The following CCSER1 variants were observed in gnomAD, a reference collection of about 807,000 sequenced individuals.
The protein encoded by CCSER1 is coiled-coil serine rich protein 1.
In CCSER1, 41 loss-of-function variants were observed where a neutral mutation model predicts 82.0. That is an observed-to-expected ratio of 0.50 (90% CI 0.39 to 0.65). CCSER1 has a LOEUF of 0.65. Among genes scored for constraint, CCSER1 ranks in the 30% least tolerant of loss-of-function variants. The probability of loss-of-function intolerance (pLI) is 0.00; values close to 1 mark genes in which losing one functional copy is unlikely to be tolerated. For missense variants in CCSER1, 1,119 were observed against 1,064.2 expected (o/e 1.05, Z -0.72); for synonymous variants, 414 against 383.9 (o/e 1.08, Z -0.92).
At chr4:91,402,384 A>G (rs571040776) in intron 10 of CCSER1, among the ~76,000 whole-genome samples, 3 of 152,038 alleles carry the variant, frequency 2.0e-5, no homozygotes, top group African/African-American at 7.2e-5. Flanking sequence ...GCTGTGCAGA[A>G]GCTCTTTAGT....
intron 10 of CCSER1, among the ~76,000 whole-genome samples, chr4:91,456,951 A>G (rs1560686373): frequency 6.6e-6 from 1 of 152,114 alleles, no homozygotes; most frequent in Non-Finnish European, 1.5e-5. Flanking sequence ...TTCGTGTCAT[A>G]TACCTGTATC....
intron 10 of CCSER1, among the ~76,000 whole-genome samples, chr4:91,554,530 T>A: frequency 6.6e-6 from 1 of 151,268 alleles, no homozygotes; most frequent in Middle Eastern, 3.4e-3. Context: ...CTGAAAAACA[T>A]TGATAAACAA....
At chr4:90,552,254 A>G (rs142046468) in intron 5 of CCSER1, among the ~76,000 whole-genome samples, 88 of 152,308 alleles carry the variant, frequency 5.8e-4, no homozygotes, top group African/African-American at 2.1e-3. Flanking sequence ...GTGGAGGTAC[A>G]TGTTAGTTGA....
At chr4:91,501,727 G>A (rs1759222463) in intron 10 of CCSER1, among the ~76,000 whole-genome samples, 1 of 151,626 alleles carries the variant, frequency 6.6e-6, no homozygotes, top group Admixed American at 6.6e-5. Flanking sequence ...CATCATTTGT[G>A]TTAGATAACA....
intron 8 of CCSER1, among the ~76,000 whole-genome samples, chr4:90,850,870 G>A (rs115767077): frequency 0.016 from 2,508 of 152,196 alleles, 46 homozygotes; most frequent in African/African-American, 0.05. Flanking sequence ...GTAGGGGCTG[G>A]GACAGAATGA....
At chr4:90,145,205 A>G (rs1028709875) in intron 1 of CCSER1, among the ~76,000 whole-genome samples, 1 of 152,156 alleles carries the variant, frequency 6.6e-6, no homozygotes, top group East Asian at 1.9e-4. Context: ...TAGATTTTAA[A>G]TAAAAATCTC....
chr4:90,444,028 T>C (rs1055856760), intron 4 of CCSER1, among the ~76,000 whole-genome samples: 1 of 151,930 alleles, frequency 6.6e-6, no homozygotes, highest in Non-Finnish European at 1.5e-5. Flanking sequence ...TGAATTTGTG[T>C]TTTGGGACAA....
intron 1 of CCSER1, among the ~76,000 whole-genome samples, chr4:90,215,444 C>G (rs182304033): frequency 1.3e-5 from 2 of 152,134 alleles, no homozygotes; most frequent in Non-Finnish European, 2.9e-5. Context: ...CAGTTACTTT[C>G]GACCTTTAGT....
Position 91,516,371 on chromosome 4 carries a change from A to G in CCSER1, c.2218-82201A>G, listed in dbSNP as rs551131925. On this transcript the variant is annotated intron_variant, in intron 10 of 10. Coordinates refer to ENST00000509176, the MANE Select transcript of CCSER1 (RefSeq NM_001145065.2). Reference sequence around the variant, plus strand: ...ACATTCAAGTTCTTAATTCATCTTGAGTTGATTTTTGTATACGGTTCAAGG... The same window carrying G: ...ACATTCAAGTTCTTAATTCATCTTGGGTTGATTTTTGTATACGGTTCAAGG... 2.0e-5 allele frequency among the ~76,000 whole-genome samples: 3 copies of G among 152,136 alleles called. No individual in the cohort carries two copies. In the South Asian group the frequency reaches 6.2e-4, roughly 32 times the overall value.
At chr4:90,575,495 G>C (rs1168123526) in intron 5 of CCSER1, among the ~76,000 whole-genome samples, 1 of 152,120 alleles carries the variant, frequency 6.6e-6, no homozygotes, top group African/African-American at 2.4e-5. Context: ...TTGCATTGGG[G>C]ATTAAATTTC....
intron 3 of CCSER1, among the ~76,000 whole-genome samples, chr4:90,327,613 A>C (rs989589112): frequency 6.6e-6 from 1 of 152,150 alleles, no homozygotes; most frequent in Non-Finnish European, 1.5e-5. Flanking sequence ...CCTCGATTTC[A>C]TGTACTTTAG....
chr4:90,969,656 A>G (rs1734901073), intron 9 of CCSER1, among the ~76,000 whole-genome samples: 1 of 152,002 alleles, frequency 6.6e-6, no homozygotes. Context: ...TTAACATTAG[A>G]CATGCCTTAA....
intron 7 of CCSER1, among the ~76,000 whole-genome samples, chr4:90,809,527 T>C (rs1293676926): frequency 6.6e-6 from 1 of 151,996 alleles, no homozygotes; most frequent in Non-Finnish European, 1.5e-5. Flanking sequence ...ACTGGAGACT[T>C]AGAAGCAGGG....
chr4:91,586,664 G>T (rs1341803682), intron 10 of CCSER1, among the ~76,000 whole-genome samples: 1 of 151,744 alleles, frequency 6.6e-6, no homozygotes, highest in Non-Finnish European at 1.5e-5. Context: ...GATGAACAAG[G>T]TAGGGGTGAT....
intron 10 of CCSER1, among the ~76,000 whole-genome samples, chr4:91,129,689 G>C (rs776357274): frequency 4.6e-5 from 7 of 152,022 alleles, no homozygotes; most frequent in African/African-American, 1.7e-4. Context: ...GAAAAAGACA[G>C]AGATAACTAC....
At chr4:91,137,059 G>A (rs1454952874) in intron 10 of CCSER1, among the ~76,000 whole-genome samples, 2 of 144,404 alleles carry the variant, frequency 1.4e-5, no homozygotes, top group East Asian at 2.0e-4. Context: ...TGTGCACATT[G>A]TGCAGGTTAG....
chr4:91,536,014 A>G (rs900317717), intron 10 of CCSER1, among the ~76,000 whole-genome samples: 2 of 152,136 alleles, frequency 1.3e-5, no homozygotes, highest in Non-Finnish European at 2.9e-5. Context: ...ACAATTTGGA[A>G]TATTAACTCA....
intron 9 of CCSER1, among the ~76,000 whole-genome samples, chr4:91,037,228 T>C (rs936550166): frequency 9.1e-6 from 1 of 109,638 alleles, no homozygotes; most frequent in Non-Finnish European, 1.9e-5. Context: ...TCTTTCTATC[T>C]CTGTCACACA....
At chr4:91,214,252 A>T (rs1287116248) in intron 10 of CCSER1, among the ~76,000 whole-genome samples, 1 of 152,158 alleles carries the variant, frequency 6.6e-6, no homozygotes, top group Non-Finnish European at 1.5e-5. Context: ...GATAATCTTT[A>T]CTCCACAGAG....
Sources: allele counts gnomAD v4.1 joint callset (sites outside exome capture counted in the v4.1 genomes callset), GRCh38; gene constraint gnomAD v4.1.1; transcripts MANE v1.5; gene names NCBI Gene and HGNC (gene_info 2026-07-23, HGNC 2026-07-21).